The following NDUFA10 variants were observed in gnomAD, a reference collection of about 807,000 sequenced individuals.
The protein encoded by NDUFA10 is NADH:ubiquinone oxidoreductase subunit A10.
In NDUFA10, 40 loss-of-function variants were observed where a neutral mutation model predicts 47.8. The ratio of observed to expected loss-of-function variants is 0.84; its 90% CI spans 0.65 to 1.09. NDUFA10 has a LOEUF of 1.09. Ranked by LOEUF, NDUFA10 falls within the 50% of genes least tolerant of loss-of-function variation. NDUFA10 has a pLI of 0.00. For synonymous variants in NDUFA10, 183 were observed against 172.2 expected (o/e 1.06, Z -0.49); for missense variants, 413 against 451.1 (o/e 0.92, Z 0.76).
chr2:239,955,303 A>T (rs4241303), downstream of NDUFA10, among the ~76,000 whole-genome samples: 117,115 of 152,074 alleles, frequency 0.77, 45,466 homozygotes, highest in African/African-American at 0.87. Context: ...ATGAAAATAG[A>T]CAGCTATGCA....
chr2:239,928,040 A>T lies in NDUFA10; in HGVS notation c.295-32726T>A, dbSNP rs1418352649. 6.6e-6 allele frequency among the ~76,000 whole-genome samples: 1 copy of T among 152,042 alleles called. No homozygotes were observed. The highest frequency in any genetic ancestry group is 1.5e-5 in the Non-Finnish European group (1 of 68,026). On this transcript the variant is annotated intron_variant, in intron 4 of 5. Transcript: ENST00000419408. This position sits in a 1 kb window ranked among gnomAD's most constrained non-coding sequence, Gnocchi z 4.3. ...AAAAGCAAAGACACAAAACACCAGTACCCAGGTAAAGAGCGACTGAAGTCA... is the reference window on the plus strand; with the variant it reads ...AAAAGCAAAGACACAAAACACCAGTTCCCAGGTAAAGAGCGACTGAAGTCA...
At chr2:239,929,212 A>G (rs570945431) in intron 4 of NDUFA10, among the ~76,000 whole-genome samples, 43 of 152,282 alleles carry the variant, frequency 2.8e-4, no homozygotes, top group African/African-American at 1.0e-3. Context: ...CTTGGCACCA[A>G]CCGGTGGCCT....
intron 8 of NDUFA10, among the ~76,000 whole-genome samples, chr2:239,993,487 T>C (rs969717360): frequency 6.6e-6 from 1 of 152,200 alleles, no homozygotes; most frequent in Non-Finnish European, 1.5e-5. Context: ...GCCTGGCAGA[T>C]TGCCTGGTAT....
chr2:239,904,514 C>T (rs888862774), intron 4 of NDUFA10, among the ~76,000 whole-genome samples: 4 of 152,152 alleles, frequency 2.6e-5, no homozygotes, highest in South Asian at 4.1e-4. Flanking sequence ...AGGCTGGTCT[C>T]GAACTCCTGA....
At chr2:239,902,526 C>G (rs1392665070) in intron 4 of NDUFA10, among the ~76,000 whole-genome samples, 2 of 152,222 alleles carry the variant, frequency 1.3e-5, no homozygotes, top group Non-Finnish European at 2.9e-5. Flanking sequence ...CCTGGAAAAC[C>G]AAAACATCTG....
At chr2:239,930,024 T>C (rs1275813560) in intron 4 of NDUFA10, among the ~76,000 whole-genome samples, 11 of 31,942 alleles carry the variant, frequency 3.4e-4, no homozygotes, top group Admixed American at 7.2e-4. Context: ...CCTCCACCAG[T>C]CCTGCTCCTC....
chr2:239,910,670 C>G (rs1308882417), intron 4 of NDUFA10, among the ~76,000 whole-genome samples: 3 of 152,122 alleles, frequency 2.0e-5, no homozygotes, highest in Admixed American at 6.5e-5. Context: ...CACACGTTTA[C>G]CTGTGCAACA....
intron 9 of NDUFA10, among the ~76,000 whole-genome samples, chr2:239,988,146 G>A (rs530618712): frequency 6.6e-6 from 1 of 152,138 alleles, no homozygotes; most frequent in African/African-American, 2.4e-5. Context: ...AAATTACAAG[G>A]TATCCATATT....
intron 9 of NDUFA10, among the ~76,000 whole-genome samples, chr2:239,968,620 G>A (rs902110860): frequency 1.3e-5 from 2 of 152,164 alleles, no homozygotes; most frequent in Admixed American, 6.5e-5. Flanking sequence ...TAGATTTTAC[G>A]GAGTAGAGCA....
intron 9 of NDUFA10, among the ~76,000 whole-genome samples, chr2:239,966,666 T>C (rs1229326054): frequency 6.6e-6 from 1 of 151,960 alleles, no homozygotes; most frequent in Non-Finnish European, 1.5e-5. Flanking sequence ...ATGATGATTT[T>C]CCTGACCCTC....
chr2:240,017,244 G>A (rs919281198), intron 4 of NDUFA10, among the ~76,000 whole-genome samples: 8 of 152,194 alleles, frequency 5.3e-5, no homozygotes, highest in South Asian at 4.2e-4. Context: ...AAGCATCCTC[G>A]CCGAGGCGCA....
intron 1 of NDUFA10, among the ~76,000 whole-genome samples, 172 bp from the exon 2 acceptor site, chr2:240,022,512 T>A (rs1697665900): frequency 6.6e-6 from 1 of 152,172 alleles, no homozygotes; most frequent in Admixed American, 6.5e-5. Context: ...CACCACTCTG[T>A]CCATGTAAGT....
intron 4 of NDUFA10, among the ~76,000 whole-genome samples, chr2:239,917,096 G>A (rs755806054): frequency 6.6e-6 from 1 of 152,240 alleles, no homozygotes; most frequent in African/African-American, 2.4e-5. Context: ...ATGCCTGGGG[G>A]TGGGGTCTCA....
intron 8 of NDUFA10, among the ~76,000 whole-genome samples, chr2:239,991,197 G>A (rs1696230628): frequency 6.6e-6 from 1 of 152,146 alleles, no homozygotes; most frequent in African/African-American, 2.4e-5. Flanking sequence ...CATGAATCAT[G>A]CTTCCACAGA....
At chr2:239,962,808 G>A (rs1051097130) in intron 9 of NDUFA10, among the ~76,000 whole-genome samples, 5 of 152,154 alleles carry the variant, frequency 3.3e-5, no homozygotes, top group Admixed American at 2.6e-4. Flanking sequence ...GGGAGTAGGA[G>A]CAAGAGCAAG....
intron 8 of NDUFA10, among the ~76,000 whole-genome samples, chr2:240,002,174 AC>A (rs1451479265): frequency 2.0e-5 from 3 of 152,098 alleles, no homozygotes; most frequent in African/African-American, 7.2e-5. Flanking sequence ...TACTAAAAAT[AC>A]AAAAAATTAG....
At chr2:240,025,097 T>G in intron 1 of NDUFA10, 130 bp downstream of exon 1, 2 of 898,642 alleles carry the variant, frequency 2.2e-6, no homozygotes, top group South Asian at 2.0e-5. Context: ...GCAGGAGGGG[T>G]CCCCCAAACC....
chr2:239,963,308 C>T (rs2106396945), intron 9 of NDUFA10, among the ~76,000 whole-genome samples: 1 of 152,322 alleles, frequency 6.6e-6, no homozygotes, highest in Non-Finnish European at 1.5e-5. Flanking sequence ...TGGCAGAGTC[C>T]AGGGAGGCGT....
intron 4 of NDUFA10, among the ~76,000 whole-genome samples, chr2:239,911,997 A>G (rs1200954133): frequency 6.6e-6 from 1 of 152,148 alleles, no homozygotes; most frequent in African/African-American, 2.4e-5. Context: ...CCATGCGTCT[A>G]GCAGGCACCA....
Sources: allele counts gnomAD v4.1 joint callset (sites outside exome capture counted in the v4.1 genomes callset), GRCh38; gene constraint gnomAD v4.1.1; non-coding constraint Gnocchi (gnomAD v3.1); transcripts MANE v1.5; gene names NCBI Gene and HGNC (gene_info 2026-07-23, HGNC 2026-07-21).